The following INTS4 variants were observed in gnomAD, a reference collection of about 807,000 sequenced individuals.
INTS4 encodes the protein MSTP093.
Under a neutral mutation model 119.5 loss-of-function variants are expected in INTS4, and 70 were observed. The observed-to-expected ratio is 0.59, with a 90% CI of 0.48 to 0.71. The LOEUF (loss-of-function observed/expected upper bound fraction) is 0.71, where lower values mean the gene tolerates loss of function less well. Ranked by LOEUF, INTS4 falls within the 30% of genes least tolerant of loss-of-function variation. INTS4 has a pLI of 0.00. For synonymous variants in INTS4, 316 were observed against 419.6 expected, an observed-to-expected ratio of 0.75 and a Z score of 3.02; for missense variants, 867 against 1,173.2, an observed-to-expected ratio of 0.74 and a Z score of 3.81.
At chr11:77,876,622 C>T (rs182047799), downstream of INTS4, among the ~76,000 whole-genome samples, 3 of 152,158 alleles carry the variant, frequency 2.0e-5, no homozygotes, top group Non-Finnish European at 2.9e-5. Flanking sequence ...CCCCCTAGTA[C>T]AGCCCGTTCA....
chr11:77,921,360 G>A lies in INTS4; in HGVS notation c.1744C>T (p.His582Tyr), dbSNP rs1460696256. The change falls in exon 14 of 23, where the codon CAT (histidine) becomes TAT (tyrosine). Residue 582 changes from histidine (H) to tyrosine (Y), a missense_variant. By Grantham distance (83) the His-to-Tyr change is moderately conservative. Coordinates refer to ENST00000534064, the MANE Select transcript of INTS4 (RefSeq NM_033547.4). ...CATACCCTCAAGGCAGGAACAAGATGAGAAAGACTGTCTCGGAGGTAGGCA... is the reference window on the plus strand; with the variant it reads ...CATACCCTCAAGGCAGGAACAAGATAAGAAAGACTGTCTCGGAGGTAGGCA... ...HYAYLRDSLS[H>Y]LVPALRLPGR... 1 of 1,613,524 alleles carries A rather than the reference G, an allele frequency of 6.2e-7. No individual in the cohort carries two copies. Among genetic ancestry groups the A allele is most frequent in the Non-Finnish European group, 8.5e-7 (1 of 1,179,500 alleles).
At chr11:77,966,471 T>C (rs1272957122) in intron 4 of INTS4, among the ~76,000 whole-genome samples, 1 of 152,180 alleles carries the variant, frequency 6.6e-6, no homozygotes, top group Non-Finnish European at 1.5e-5. Context: ...AGTTCAAGTA[T>C]GTGTATGACG....
intron 1 of INTS4, 38 bp downstream of exon 1, chr11:77,994,552 G>A: frequency 6.7e-7 from 1 of 1,493,796 alleles, no homozygotes; most frequent in Non-Finnish European, 9.3e-7. Context: ...ATCTACCCTG[G>A]TCCGGATCGG....
At chr11:77,948,628 C>T (rs1191861065) in intron 8 of INTS4, among the ~76,000 whole-genome samples, 2 of 130,464 alleles carry the variant, frequency 1.5e-5, no homozygotes, top group Admixed American at 8.9e-5. Context: ...GCCTAGGTGA[C>T]GGAGTGAGAC....
chr11:77,939,298 A>G (rs564078567), intron 9 of INTS4, among the ~76,000 whole-genome samples: 1 of 152,346 alleles, frequency 6.6e-6, no homozygotes, highest in South Asian at 2.1e-4. Context: ...CAACATGGTG[A>G]AACTCCATCT....
At chr11:77,979,241 CAGG>C in intron 3 of INTS4, 139 bp from the exon 4 acceptor site, 2 of 522,062 alleles carry the variant, frequency 3.8e-6, no homozygotes, top group Non-Finnish European at 7.2e-6. Context: ...GAAGCCTAGG[CAGG>C]AGAATCCCTT....
intron 18 of INTS4, among the ~76,000 whole-genome samples, chr11:77,898,601 GATAAAT>G (rs1463212186): frequency 6.6e-6 from 1 of 152,172 alleles, no homozygotes; most frequent in African/African-American, 2.4e-5. Flanking sequence ...TTTTTATGCT[GATAAAT>G]ATAAGTTCAA....
At chr11:77,991,050 T>C (rs774491389) in intron 2 of INTS4, 58 bp downstream of exon 2, 2 of 1,442,706 alleles carry the variant, frequency 1.4e-6, no homozygotes, top group Non-Finnish European at 1.9e-6. Flanking sequence ...TTAACCATTC[T>C]GCAGACATGA....
At chr11:77,886,558 T>C (rs1952017032) in intron 21 of INTS4, among the ~76,000 whole-genome samples, 1 of 152,184 alleles carries the variant, frequency 6.6e-6, no homozygotes, top group South Asian at 2.1e-4. Flanking sequence ...GGTAGCCAAA[T>C]GCCTTGTCAT....
chr11:77,901,295 A>G, intron 18 of INTS4, 126 bp downstream of exon 18: 1 of 968,536 alleles, frequency 1.0e-6, no homozygotes, highest in South Asian at 1.3e-5. Context: ...AATAGATCAC[A>G]CATTCCTTAG....
chr11:77,955,243 G>A (rs1479464439), intron 8 of INTS4, among the ~76,000 whole-genome samples: 2 of 152,176 alleles, frequency 1.3e-5, no homozygotes, highest in African/African-American at 2.4e-5. Flanking sequence ...AGGCTGAGGT[G>A]GAAGGATTGC....
intron 2 of INTS4, among the ~76,000 whole-genome samples, chr11:77,986,686 A>G (rs748322541): frequency 5.9e-5 from 9 of 152,194 alleles, no homozygotes; most frequent in Non-Finnish European, 7.3e-5. Context: ...TGTCCTTCGC[A>G]GGGAAATGGA....
intron 8 of INTS4, among the ~76,000 whole-genome samples, chr11:77,948,939 T>A (rs958469531): frequency 3.3e-5 from 5 of 152,092 alleles, no homozygotes; most frequent in African/African-American, 1.2e-4. Flanking sequence ...AAGAGATAAG[T>A]GTACAGCAAT....
At position 77,891,789 on chromosome 11, in the gene INTS4, G is replaced by A. The variant is rs762239913; in HGVS notation, c.2340C>T (p.Leu780=). ...TCATGAGTCGGGGCATAAGGTCAAGGAGTTTGTCCACAAAGCTGTCCTGCA... is the reference window on the plus strand; with the variant it reads ...TCATGAGTCGGGGCATAAGGTCAAGAAGTTTGTCCACAAAGCTGTCCTGCA... ...PHLQDSFVDK[L]LDLMPRLMTS... Residue 780 remains leucine (L), a synonymous_variant, in exon 20 of 23, where the codon CTC becomes CTT. Transcript: ENST00000534064. The A allele has an allele frequency of 3.7e-6, 6 of 1,611,868 alleles. No individual in the cohort carries two copies. The African/African-American group carries it at 4.0e-5, about 11-fold the overall frequency.
At chr11:77,937,830 T>TATTTATTTA (rs1555031809) in intron 10 of INTS4, among the ~76,000 whole-genome samples, 5 of 27,696 alleles carry the variant, frequency 1.8e-4, no homozygotes, top group African/African-American at 6.4e-4. Context: ...TTTATTTATT[T>TATTTATTTA]ATTTATTTAT....
At chr11:77,973,171 A>G (rs1855799811) in intron 4 of INTS4, among the ~76,000 whole-genome samples, 1 of 152,180 alleles carries the variant, frequency 6.6e-6, no homozygotes, top group African/African-American at 2.4e-5. Flanking sequence ...ATGCTACTGT[A>G]ATTGAATTAT....
At chr11:77,900,778 A>C in intron 18 of INTS4, 1 of 597,568 alleles carries the variant, frequency 1.7e-6, no homozygotes, top group South Asian at 2.1e-5. Context: ...AATCAATGAA[A>C]TGTGGCAATT....
At chr11:77,949,466 C>T (rs566753920) in intron 8 of INTS4, among the ~76,000 whole-genome samples, 4 of 150,696 alleles carry the variant, frequency 2.7e-5, no homozygotes, top group Non-Finnish European at 4.4e-5. Flanking sequence ...TGCAATCTAT[C>T]CATCTGCCAA....
chr11:77,970,576 C>T (rs1390659205), intron 4 of INTS4, among the ~76,000 whole-genome samples: 1 of 151,922 alleles, frequency 6.6e-6, no homozygotes, highest in Admixed American at 6.6e-5. Flanking sequence ...CTCCTGTAAT[C>T]CTAGCACTTT....
Sources: gnomAD v4.1 joint callset for allele counts (sites outside exome capture counted in the v4.1 genomes callset) on GRCh38, gnomAD v4.1.1 for gene constraint, MANE v1.5 for transcripts, NCBI Gene and HGNC (gene_info 2026-07-23, HGNC 2026-07-21) for gene names.